Variants in AFF2 observed in about 807,000 individuals in gnomAD.
AFF2 encodes the protein ALF transcription elongation factor 2.
A neutral mutation model predicts 76.9 loss-of-function variants in AFF2; 14 were observed. The ratio of observed to expected loss-of-function variants is 0.18; its 90% CI spans 0.12 to 0.28. AFF2 has a LOEUF of 0.28. Ranked by LOEUF, AFF2 falls within the 10% of genes least tolerant of loss-of-function variation. The pLI is 1.00. For missense variants in AFF2, 868 were observed against 1,001.1 expected (o/e 0.87, Z 1.79); for synonymous variants, 398 against 366.7 (o/e 1.09, Z -0.98).
At chrX:148,585,141 G>T (rs1225654048) in intron 1 of AFF2, among the ~76,000 whole-genome samples, 3 of 111,538 alleles carry the variant, frequency 2.7e-5, no homozygotes, top group Non-Finnish European at 5.6e-5. Flanking sequence ...AATGTCTGAG[G>T]ATGAGTTAGG....
intron 3 of AFF2, among the ~76,000 whole-genome samples, chrX:148,785,491 G>C (rs1386408939): frequency 3.6e-5 from 4 of 111,787 alleles, no homozygotes; most frequent in Non-Finnish European, 7.5e-5. Context: ...CACAGCATTA[G>C]TAACAGCCTT....
chrX:148,761,761 T>G (rs1055396836), intron 3 of AFF2, among the ~76,000 whole-genome samples: 8 of 110,584 alleles, frequency 7.2e-5, no homozygotes, highest in African/African-American at 2.6e-4. Context: ...GCATAGTGCC[T>G]GTTGCATAGT....
chrX:148,662,428 T>C lies in AFF2; in HGVS notation c.701T>C (p.Phe234Ser). The C allele has an allele frequency of 8.3e-7, 1 of 1,211,592 alleles. No homozygotes were observed. Residue 234 changes from phenylalanine to serine, a missense_variant, in exon 3 of 21, where the codon TTT becomes TCT. Coordinates refer to ENST00000370460, the MANE Select transcript of AFF2 (RefSeq NM_002025.4). ...SSGEDAFKEI[F>S]QSNSPEESEF... ...GGAGAAGATGCTTTCAAAGAAATCTTTCAATCCAATTCACCGGAAGAATCT... is the reference window on the plus strand; with the variant it reads ...GGAGAAGATGCTTTCAAAGAAATCTCTCAATCCAATTCACCGGAAGAATCT...
At chrX:148,525,841 C>T (rs1251581503) in intron 1 of AFF2, among the ~76,000 whole-genome samples, 1 of 111,618 alleles carries the variant, frequency 9.0e-6, no homozygotes, top group Non-Finnish European at 1.9e-5. Flanking sequence ...ATAGTAGGGA[C>T]TCAGTGTCAG....
At chrX:148,567,971 G>T (rs952261561) in intron 1 of AFF2, among the ~76,000 whole-genome samples, 1 of 110,851 alleles carries the variant, frequency 9.0e-6, no homozygotes, top group Non-Finnish European at 1.9e-5. Flanking sequence ...CTGGAGAGCT[G>T]GAGTCAGAGA....
chrX:148,978,201 T>C (rs782050431), intron 17 of AFF2, among the ~76,000 whole-genome samples, 161 bp from the exon 18 acceptor site: 2 of 112,971 alleles, frequency 1.8e-5, no homozygotes, highest in Non-Finnish European at 3.7e-5. Context: ...AATGGGATTT[T>C]AATGCTTGCC....
intron 7 of AFF2, among the ~76,000 whole-genome samples, chrX:148,879,572 G>T (rs782462669): frequency 8.9e-6 from 1 of 111,892 alleles, no homozygotes; most frequent in African/African-American, 3.2e-5. Flanking sequence ...AGACCTAGAT[G>T]ATAAATGTTT....
intron 2 of AFF2, among the ~76,000 whole-genome samples, chrX:148,657,996 C>T (rs182116084): frequency 3.9e-4 from 43 of 111,485 alleles, no homozygotes; most frequent in African/African-American, 1.2e-3. Context: ...GGTTTTCTAT[C>T]CAGTGGTTCT....
Position 148,962,588 on chromosome X carries a change from C to A in AFF2, c.2691-127C>A, listed in dbSNP as rs1314012831. On this transcript the variant is annotated intron_variant, in intron 12 of 20. Transcript: ENST00000370460. ...ATGTCTATATGCATTTTTAGATATG[C>A]TCTTCACCATAGGTAGAGGGACAGC... 3 of 494,901 alleles carry A rather than the reference C, an allele frequency of 6.1e-6. No homozygotes were observed. In the African/African-American group the frequency reaches 7.2e-5, roughly 12 times the overall value. 40.8% of individuals were successfully genotyped at this position (494,901 alleles called of 1,213,427 possible). A position where few individuals can be genotyped will look rare whatever the true frequency, so the allele number is the denominator to read the frequency against.
chrX:148,976,823 A>G (rs1224456675), intron 16 of AFF2, among the ~76,000 whole-genome samples: 2 of 112,849 alleles, frequency 1.8e-5, no homozygotes, highest in African/African-American at 6.4e-5. Context: ...GATTTATTAC[A>G]TAATAAAAAT....
intron 9 of AFF2, among the ~76,000 whole-genome samples, chrX:148,915,241 G>T (rs1349878617): frequency 8.9e-6 from 1 of 112,130 alleles, no homozygotes; most frequent in African/African-American, 3.2e-5. Flanking sequence ...CAGCATAGGG[G>T]TATATTACAT....
intron 4 of AFF2, among the ~76,000 whole-genome samples, chrX:148,818,842 T>C (rs2070295711): frequency 9.0e-6 from 1 of 111,016 alleles, no homozygotes; most frequent in Non-Finnish European, 1.9e-5. Context: ...CCTCCAGCAG[T>C]GCTTATTTCA....
chrX:148,880,739 C>G (rs962272844), intron 7 of AFF2, among the ~76,000 whole-genome samples: 1 of 111,488 alleles, frequency 9.0e-6, no homozygotes, highest in Admixed American at 9.5e-5. Context: ...GTAATAACCT[C>G]CTCCCTCTCC....
intron 18 of AFF2, among the ~76,000 whole-genome samples, 181 bp downstream of exon 18, chrX:148,978,636 G>A (rs1231281345): frequency 1.8e-5 from 2 of 112,299 alleles, no homozygotes; most frequent in Admixed American, 9.4e-5. Flanking sequence ...TTTGGTTCCA[G>A]GGAGAGAAGG....
intron 1 of AFF2, among the ~76,000 whole-genome samples, chrX:148,609,290 G>T (rs1426714343): frequency 8.9e-6 from 1 of 111,777 alleles, no homozygotes; most frequent in Non-Finnish European, 1.9e-5. Context: ...TAAAATCTCT[G>T]ATTAATTTAA....
intron 3 of AFF2, among the ~76,000 whole-genome samples, chrX:148,771,247 G>A (rs2069583789): frequency 9.0e-6 from 1 of 111,660 alleles, no homozygotes; most frequent in African/African-American, 3.3e-5. Flanking sequence ...AATTCCATGG[G>A]TGTTCCTAGT....
chrX:148,749,853 C>T (rs782611280), intron 3 of AFF2, among the ~76,000 whole-genome samples: 1 of 111,641 alleles, frequency 9.0e-6, no homozygotes, highest in South Asian at 3.8e-4. Context: ...GACATTTGAG[C>T]AAAAAGTATT....
chrX:148,553,647 G>A (rs1178606861), intron 1 of AFF2, among the ~76,000 whole-genome samples: 1 of 111,568 alleles, frequency 9.0e-6, no homozygotes, highest in African/African-American at 3.3e-5. Flanking sequence ...AATCCCTGTG[G>A]TCAGAAGGCA....
At chrX:148,546,797 G>A (rs2052925657) in intron 1 of AFF2, 1 of 111,798 alleles carries the variant, frequency 8.9e-6, no homozygotes, top group African/African-American at 3.3e-5. Flanking sequence ...TTCTCTGCAG[G>A]CCAGTATATT....
Sources: allele counts gnomAD v4.1 joint callset (sites outside exome capture counted in the v4.1 genomes callset), GRCh38; gene constraint gnomAD v4.1.1; transcripts MANE v1.5; gene names NCBI Gene and HGNC (gene_info 2026-07-23, HGNC 2026-07-21).